Variants in PARD3B observed in about 807,000 individuals in gnomAD.
PARD3B encodes the protein partitioning defective 3 homolog B.
PARD3B carries 103 observed loss-of-function variants against 130.2 expected under a neutral mutation model. The ratio of observed to expected loss-of-function variants is 0.79; its 90% CI spans 0.67 to 0.93. The LOEUF is 0.93. Among genes scored for constraint, PARD3B ranks in the 40% least tolerant of loss-of-function variants. The pLI is 0.00. For missense variants in PARD3B, 1,609 were observed against 1,499.2 expected (o/e 1.07, Z -1.21); for synonymous variants, 583 against 553.2 (o/e 1.05, Z -0.76).
chr2:205,372,955 G>C (rs1286861794), intron 18 of PARD3B, among the ~76,000 whole-genome samples: 1 of 152,040 alleles, frequency 6.6e-6, no homozygotes, highest in Non-Finnish European at 1.5e-5. Context: ...CTCCAGCCTG[G>C]GCTACAGAGC....
intron 1 of PARD3B, among the ~76,000 whole-genome samples, chr2:204,681,277 A>AT (rs1202323503): frequency 6.6e-6 from 1 of 152,092 alleles, no homozygotes; most frequent in Non-Finnish European, 1.5e-5. Flanking sequence ...AGATTTTTAG[A>AT]TCTGGAAGTA....
At chr2:205,310,273 G>C (rs1202527507) in intron 18 of PARD3B, among the ~76,000 whole-genome samples, 1 of 151,612 alleles carries the variant, frequency 6.6e-6, no homozygotes, top group Non-Finnish European at 1.5e-5. Flanking sequence ...TTTTTTAATA[G>C]AGACGGGGTT....
At chr2:205,277,059 G>A (rs1179724952) in intron 16 of PARD3B, among the ~76,000 whole-genome samples, 1 of 152,206 alleles carries the variant, frequency 6.6e-6, no homozygotes, top group African/African-American at 2.4e-5. Context: ...AAGAGTCCAT[G>A]CTCTTCAGGA....
At position 204,799,036 on chromosome 2, in the gene PARD3B, C is replaced by T. The variant is rs146436238; in HGVS notation, c.222+112754C>T. On this transcript the variant is annotated intron_variant, in intron 2 of 22. Coordinates refer to ENST00000406610, the MANE Select transcript of PARD3B (RefSeq NM_001302769.2). This position sits in a 1 kb window ranked among gnomAD's most constrained non-coding sequence, Gnocchi z 4.1. ...TAAAGGGGACTTTTCCTTTACTCACCAGCTCAGCCACAGCGAAGTGGAGCA... is the reference window on the plus strand; with the variant it reads ...TAAAGGGGACTTTTCCTTTACTCACTAGCTCAGCCACAGCGAAGTGGAGCA... 6.3e-3 allele frequency among the ~76,000 whole-genome samples: 954 copies of T among 152,164 alleles called. 7 individuals are homozygous for T. The highest frequency in any genetic ancestry group is 0.021 in the African/African-American group (879 of 41,530).
intron 22 of PARD3B, among the ~76,000 whole-genome samples, chr2:205,576,388 G>C (rs572473408): frequency 6.6e-6 from 1 of 151,190 alleles, no homozygotes; most frequent in Admixed American, 6.6e-5. Flanking sequence ...GGTCATCTAG[G>C]TTTTCTCCTA....
intron 3 of PARD3B, among the ~76,000 whole-genome samples, chr2:204,997,617 T>G (rs1046217857): frequency 1.3e-5 from 2 of 151,892 alleles, no homozygotes; most frequent in Admixed American, 1.3e-4. Flanking sequence ...ACTAATAATT[T>G]AACTGAGTCT....
chr2:204,793,178 C>CT (rs918680594), intron 2 of PARD3B, among the ~76,000 whole-genome samples: 3 of 151,902 alleles, frequency 2.0e-5, no homozygotes, highest in Non-Finnish European at 4.4e-5. Flanking sequence ...CACTTTTTCT[C>CT]TTTTTTTTCC....
intron 18 of PARD3B, among the ~76,000 whole-genome samples, chr2:205,327,671 C>G (rs936306821): frequency 2.6e-5 from 4 of 152,152 alleles, no homozygotes; most frequent in African/African-American, 9.7e-5. Flanking sequence ...ACTTGGGTAA[C>G]TTTAAGCTAC....
intron 1 of PARD3B, among the ~76,000 whole-genome samples, chr2:204,598,739 C>G (rs111308291): frequency 2.0e-5 from 3 of 152,106 alleles, no homozygotes; most frequent in Admixed American, 1.3e-4. Context: ...AACAAACACT[C>G]TGTAGTAAAC....
In PARD3B at chr2:205,125,644, A is replaced by G; in HGVS notation, c.1341A>G (p.Glu447=). ...NGRDVTGRTQ[E]ELVAMLRSTK... ...GAGATGTCACCGGACGAACCCAGGA[A>G]GAGCTTGTGGCCATGCTCAGGAGCA... Residue 447 remains glutamate, a synonymous_variant, in exon 10 of 23, where the codon GAA becomes GAG. Transcript: ENST00000406610. The surrounding 1 kb of genome is among the most constrained non-coding windows in gnomAD (Gnocchi z 4.0). 1 of 1,614,098 alleles carries G rather than the reference A, an allele frequency of 6.2e-7. No homozygotes were observed. The highest frequency in any genetic ancestry group is 8.5e-7 in the Non-Finnish European group (1 of 1,179,970).
At chr2:205,270,970 A>G (rs1305596851) in intron 16 of PARD3B, among the ~76,000 whole-genome samples, 3 of 152,162 alleles carry the variant, frequency 2.0e-5, no homozygotes, top group Admixed American at 6.5e-5. Context: ...CCTCTCCTCC[A>G]GAGGCAAAAA....
At chr2:204,925,128 C>T (rs532678584) in intron 2 of PARD3B, among the ~76,000 whole-genome samples, 53 of 151,594 alleles carry the variant, frequency 3.5e-4, no homozygotes, top group Non-Finnish European at 6.5e-4. Context: ...AAAGAAAACC[C>T]ATAGCTGATG....
intron 2 of PARD3B, among the ~76,000 whole-genome samples, chr2:204,758,221 A>G (rs2040758845): frequency 6.6e-6 from 1 of 152,130 alleles, no homozygotes; most frequent in African/African-American, 2.4e-5. Context: ...GGGTGTTCCA[A>G]GAAGGAAACC....
In PARD3B at chr2:205,229,529, G is replaced by C. The variant is rs1018795138; in HGVS notation, c.2141-16249G>C. Among the ~76,000 whole-genome samples the C allele has an allele frequency of 1.2e-4, 19 of 152,208 alleles. No individual in the cohort carries two copies. The highest frequency in any genetic ancestry group is 4.1e-4 in the South Asian group (2 of 4,820). Reference sequence around the variant, plus strand: ...CACATAAAGCCTCTCTCTGTGTGCTGAGCCACCTAGAACCGGTGTAGGGCT... The same window carrying C: ...CACATAAAGCCTCTCTCTGTGTGCTCAGCCACCTAGAACCGGTGTAGGGCT... On this transcript the variant is annotated intron_variant, in intron 15 of 22. Transcript: ENST00000406610. This position sits in a 1 kb window ranked among gnomAD's most constrained non-coding sequence, Gnocchi z 5.2.
rs1444471791 is a variant in PARD3B at position 205,325,534 on chromosome 2, A to AGTAGTG, written c.2630+23838_2630+23839insGGTAGT. On this transcript the variant is annotated intron_variant, in intron 18 of 22. Coordinates refer to ENST00000406610, the MANE Select transcript of PARD3B (RefSeq NM_001302769.2). The surrounding 1 kb of genome is among the most constrained non-coding windows in gnomAD (Gnocchi z 4.1). ...TATCATCTCATTGTTTATTAGTAGT[A>AGTAGTG]GTAGTAGTAGTAGTCTCAGAGTCTT... Among the ~76,000 whole-genome samples the AGTAGTG allele has an allele frequency of 1.3e-5, 2 of 151,566 alleles. No homozygotes were observed. The highest frequency in any genetic ancestry group is 4.9e-5 in the African/African-American group (2 of 41,194).
chr2:204,819,868 C>T (rs1189152787), intron 2 of PARD3B, among the ~76,000 whole-genome samples: 2 of 151,926 alleles, frequency 1.3e-5, no homozygotes, highest in Non-Finnish European at 2.9e-5. Flanking sequence ...TTCAGTTTAA[C>T]GAAGGCTGAG....
intron 15 of PARD3B, among the ~76,000 whole-genome samples, chr2:205,217,753 T>C (rs1052175502): frequency 2.7e-5 from 4 of 150,064 alleles, no homozygotes; most frequent in African/African-American, 9.8e-5. Flanking sequence ...TATGTGTGTA[T>C]ATATGTGTGT....
At chr2:204,699,115 GCCCTTGA>G (rs1466079451) in intron 2 of PARD3B, among the ~76,000 whole-genome samples, 1 of 151,914 alleles carries the variant, frequency 6.6e-6, no homozygotes, top group Non-Finnish European at 1.5e-5. Context: ...AAATAATGAA[GCCCTTGA>G]CCTGACATAT....
intron 18 of PARD3B, among the ~76,000 whole-genome samples, chr2:205,310,288 C>T (rs945217356): frequency 6.6e-6 from 1 of 151,726 alleles, no homozygotes; most frequent in African/African-American, 2.4e-5. Context: ...GGGGTTTCAC[C>T]ATGTTAGCCA....
Sources: allele counts gnomAD v4.1 joint callset (sites outside exome capture counted in the v4.1 genomes callset), GRCh38; gene constraint gnomAD v4.1.1; non-coding constraint Gnocchi (gnomAD v3.1); transcripts MANE v1.5; gene names NCBI Gene and HGNC (gene_info 2026-07-23, HGNC 2026-07-21).